The following ZFAND3 variants were observed in gnomAD, a reference collection of about 807,000 sequenced individuals.
ZFAND3 encodes the protein AN1-type zinc finger protein 3.
In ZFAND3, 10 loss-of-function variants were observed where a neutral mutation model predicts 29.6. The observed-to-expected ratio is 0.34, with a 90% CI of 0.21 to 0.57. The LOEUF (loss-of-function observed/expected upper bound fraction) is 0.57. ZFAND3 is among the 20% of genes least tolerant of loss of function. The pLI is 0.86. For synonymous variants in ZFAND3, 128 were observed against 112.6 expected, an observed-to-expected ratio of 1.14 and a Z score of -0.87; for missense variants, 230 against 304.5, an observed-to-expected ratio of 0.76 and a Z score of 1.82.
chr6:37,937,578 C>T (rs561826089), intron 2 of ZFAND3, among the ~76,000 whole-genome samples: 4 of 137,658 alleles, frequency 2.9e-5, no homozygotes, highest in Non-Finnish European at 6.0e-5. Context: ...TCGCTTGAAC[C>T]AGGGAGTCGG....
At chr6:37,823,670 T>TAC (rs1232308464) in intron 1 of ZFAND3, among the ~76,000 whole-genome samples, 4 of 152,226 alleles carry the variant, frequency 2.6e-5, no homozygotes, top group African/African-American at 9.6e-5. Flanking sequence ...TGTGTACAGG[T>TAC]AATTAAGTTA....
intron 1 of ZFAND3, 72 bp from the exon 2 acceptor site, chr6:37,929,887 A>G (rs373477086): frequency 5.5e-5 from 78 of 1,426,762 alleles, no homozygotes; most frequent in Non-Finnish European, 6.7e-5. Flanking sequence ...CGTTTCTGAC[A>G]TCTTATGTTT....
intron 1 of ZFAND3, among the ~76,000 whole-genome samples, chr6:37,927,681 A>G (rs1235186361): frequency 6.6e-6 from 1 of 152,208 alleles, no homozygotes; most frequent in African/African-American, 2.4e-5. Context: ...ATATGCCTGC[A>G]GGGTCAGGGA....
At chr6:37,856,146 C>T (rs1163768583) in intron 1 of ZFAND3, among the ~76,000 whole-genome samples, 2 of 152,104 alleles carry the variant, frequency 1.3e-5, no homozygotes, top group Admixed American at 1.3e-4. Context: ...AAGCACAAGC[C>T]ACCAGGTCTG....
At chr6:38,012,310 C>T (rs1195283128) in intron 2 of ZFAND3, among the ~76,000 whole-genome samples, 2 of 127,398 alleles carry the variant, frequency 1.6e-5, no homozygotes, top group Non-Finnish European at 1.8e-5. Context: ...CCTGGGTAGC[C>T]GTATTTGATA....
At chr6:38,132,965 G>C (rs1484998119) in intron 5 of ZFAND3, among the ~76,000 whole-genome samples, 1 of 152,202 alleles carries the variant, frequency 6.6e-6, no homozygotes, top group African/African-American at 2.4e-5. Context: ...AGCTCCCGCA[G>C]TAACAAATTC....
intron 1 of ZFAND3, among the ~76,000 whole-genome samples, chr6:37,860,578 G>T (rs1259974127): frequency 6.7e-6 from 1 of 149,382 alleles, no homozygotes; most frequent in Non-Finnish European, 1.5e-5. Flanking sequence ...ATTGCATTAT[G>T]TCTTTCCTCA....
At chr6:37,875,069 A>C (rs1190746778) in intron 1 of ZFAND3, among the ~76,000 whole-genome samples, 1 of 152,230 alleles carries the variant, frequency 6.6e-6, no homozygotes, top group East Asian at 1.9e-4. Flanking sequence ...ACACCAGAAG[A>C]ACAATAATCA....
intron 2 of ZFAND3, among the ~76,000 whole-genome samples, chr6:38,043,409 C>T (rs1763831662): frequency 6.7e-6 from 1 of 148,800 alleles, no homozygotes. Context: ...CCTTCCCTCT[C>T]CTCCCTTTCT....
intron 5 of ZFAND3, among the ~76,000 whole-genome samples, chr6:38,144,231 A>AATATATATATATTT (rs1766053283): frequency 2.7e-5 from 2 of 75,256 alleles, no homozygotes; most frequent in Non-Finnish European, 6.1e-5. Flanking sequence ...ATATATATAT[A>AATATATATATATTT]TTTTTTTTTT....
At chr6:37,834,027 A>G (rs1185170924) in intron 1 of ZFAND3, among the ~76,000 whole-genome samples, 2 of 151,990 alleles carry the variant, frequency 1.3e-5, no homozygotes, top group Non-Finnish European at 2.9e-5. Flanking sequence ...TTATCACTCA[A>G]AGCCCATAGT....
chr6:37,869,851 T>G (rs1379679461), intron 1 of ZFAND3, among the ~76,000 whole-genome samples: 3 of 152,038 alleles, frequency 2.0e-5, no homozygotes, highest in African/African-American at 7.2e-5. Context: ...AATTAACTCT[T>G]GCCTTTGTTC....
intron 2 of ZFAND3, among the ~76,000 whole-genome samples, chr6:37,961,418 C>T (rs1762193357): frequency 6.6e-6 from 1 of 152,238 alleles, no homozygotes; most frequent in African/African-American, 2.4e-5. Flanking sequence ...CTCCAGGATC[C>T]TGGGGGAGCT....
intron 1 of ZFAND3, among the ~76,000 whole-genome samples, chr6:37,916,338 A>ACT (rs1761253911): frequency 6.6e-6 from 1 of 152,100 alleles, no homozygotes; most frequent in South Asian, 2.1e-4. Flanking sequence ...CAGTACCTCC[A>ACT]AAGTGTGGTT....
At chr6:37,867,141 T>G (rs1764604334) in intron 1 of ZFAND3, among the ~76,000 whole-genome samples, 1 of 152,228 alleles carries the variant, frequency 6.6e-6, no homozygotes, top group Non-Finnish European at 1.5e-5. Flanking sequence ...CTTCCTATCT[T>G]TTTTTGTAGT....
At chr6:38,005,820 CTT>C (rs1763038186) in intron 2 of ZFAND3, among the ~76,000 whole-genome samples, 1 of 152,158 alleles carries the variant, frequency 6.6e-6, no homozygotes, top group Non-Finnish European at 1.5e-5. Context: ...AAGTTGACCA[CTT>C]GAGTGTTGTT....
chr6:38,118,719 A>T (rs1765467902), intron 5 of ZFAND3, among the ~76,000 whole-genome samples: 1 of 150,232 alleles, frequency 6.7e-6, no homozygotes, highest in South Asian at 2.1e-4. Context: ...GCTTTGACGC[A>T]GACTACCTAA....
At chr6:38,094,329 GAAA>G (rs201221256) in intron 4 of ZFAND3, among the ~76,000 whole-genome samples, 6 of 138,084 alleles carry the variant, frequency 4.3e-5, no homozygotes, top group African/African-American at 1.6e-4. Flanking sequence ...TAATCCAGAA[GAAA>G]AAAAAAAAGC....
At chr6:38,134,838 T>G (rs928744338) in intron 5 of ZFAND3, among the ~76,000 whole-genome samples, 1 of 152,236 alleles carries the variant, frequency 6.6e-6, no homozygotes, top group Non-Finnish European at 1.5e-5. Context: ...TGAATAAGAT[T>G]CTGTGCCAGC....
Sources: gnomAD v4.1 joint callset for allele counts (sites outside exome capture counted in the v4.1 genomes callset) on GRCh38, gnomAD v4.1.1 for gene constraint, MANE v1.5 for transcripts, NCBI Gene and HGNC (gene_info 2026-07-23, HGNC 2026-07-21) for gene names.